ZNF618: variants seen among roughly 807,000 people sequenced by gnomAD.
The protein encoded by ZNF618 is neural precursor cell expressed, developmentally down-regulated 10.
Under a neutral mutation model 103.0 loss-of-function variants are expected in ZNF618, and 34 were observed. That is an observed-to-expected ratio of 0.33 (90% CI 0.25 to 0.44). The LOEUF (loss-of-function observed/expected upper bound fraction) is 0.44. Ranked by LOEUF, ZNF618 falls within the 20% of genes least tolerant of loss-of-function variation. The pLI is 1.00. For synonymous variants in ZNF618, 551 were observed against 542.2 expected, an observed-to-expected ratio of 1.02 and a Z score of -0.23; for missense variants, 1,059 against 1,295.4, an observed-to-expected ratio of 0.82 and a Z score of 2.80.
chr9:113,904,526 T>C (rs1270906928), intron 1 of ZNF618, among the ~76,000 whole-genome samples: 1 of 152,260 alleles, frequency 6.6e-6, no homozygotes, highest in Admixed American at 6.5e-5. Context: ...ATTTTTGTGC[T>C]GTGTTTTGCT....
At chr9:114,039,119 A>T (rs1844892293) in intron 13 of ZNF618, among the ~76,000 whole-genome samples, 1 of 152,216 alleles carries the variant, frequency 6.6e-6, no homozygotes, top group Admixed American at 6.5e-5. Context: ...CCATGCTCTC[A>T]ACATCCACCC....
At position 114,050,873 on chromosome 9, in the gene ZNF618, T is replaced by A. The variant is rs1308944712; in HGVS notation, c.*706T>A. ...GTTCACCTTCAGGGCATTGAGCTGC[T>A]GCCTTTGAGATACCCCTTGGGTGTC... On this transcript the variant is annotated 3_prime_UTR_variant, in exon 15 of 15. Transcript: ENST00000374126. 6.5e-6 allele frequency: 1 copy of A among 152,740 alleles called. No homozygotes were observed. The highest frequency in any genetic ancestry group is 1.5e-5 in the Non-Finnish European group (1 of 68,102). The allele number at this position is 152,740 out of a possible 1,614,324, so 9.5% of individuals were successfully genotyped here.
chr9:113,880,448 A>T (rs1383094084), intron 1 of ZNF618, among the ~76,000 whole-genome samples: 1 of 152,178 alleles, frequency 6.6e-6, no homozygotes, highest in Non-Finnish European at 1.5e-5. Flanking sequence ...GGAATTGGTT[A>T]TGGCTGCCTG....
chr9:113,876,686 A>G (rs1371756349), intron 1 of ZNF618, among the ~76,000 whole-genome samples: 1 of 151,988 alleles, frequency 6.6e-6, no homozygotes, highest in Non-Finnish European at 1.5e-5. Context: ...CCCAGAAAAC[A>G]AAGCGGCGAG....
At chr9:113,901,126 T>C (rs989953452) in intron 1 of ZNF618, among the ~76,000 whole-genome samples, 1 of 149,130 alleles carries the variant, frequency 6.7e-6, no homozygotes, top group Non-Finnish European at 1.5e-5. Flanking sequence ...TCCTGTCTCC[T>C]AGCACCGTCT....
At chr9:113,987,525 C>A (rs1295499553) in intron 2 of ZNF618, among the ~76,000 whole-genome samples, 1 of 152,150 alleles carries the variant, frequency 6.6e-6, no homozygotes, top group African/African-American at 2.4e-5. Context: ...TTGGAGTTTC[C>A]CGTTTGTAAA....
At chr9:113,897,171 GT>G (rs1434024678) in intron 1 of ZNF618, among the ~76,000 whole-genome samples, 1 of 151,994 alleles carries the variant, frequency 6.6e-6, no homozygotes, top group Non-Finnish European at 1.5e-5. Flanking sequence ...TAACTGATGT[GT>G]TTTGTTTCAT....
intron 1 of ZNF618, among the ~76,000 whole-genome samples, chr9:113,883,989 C>CTT (rs1564125414): frequency 2.4e-5 from 1 of 41,074 alleles, no homozygotes; most frequent in African/African-American, 6.3e-5. Context: ...TTGGCCCCCC[C>CTT]CCCCCCCCCC....
rs1419674103 is a variant in ZNF618 at position 114,049,992 on chromosome 9, C to T, written c.2690C>T (p.Thr897Ile). Residue 897 changes from threonine to isoleucine, a missense_variant, in exon 15 of 15, where the codon ACC (threonine) becomes ATC (isoleucine). Thr to Ile is a moderately conservative substitution (Grantham distance 89). Around this residue, in one of 6 missense-constraint regions of ZNF618, gnomAD observed 156 missense variants for 197.1 expected, o/e 0.79. Transcript: ENST00000374126. ...PDLFQYWSCV[T>I]QKHTKLAKLA... ...CTCTTCCAGTACTGGTCGTGCGTTA[C>T]CCAAAAGCACACAAAACTCGCCAAG... The T allele has an allele frequency of 3.1e-6, 5 of 1,613,986 alleles. No individual in the cohort carries two copies. Among genetic ancestry groups the T allele is most frequent in the Non-Finnish European group, 4.2e-6 (5 of 1,179,906 alleles).
At chr9:114,039,633 G>A (rs1414378993) in intron 13 of ZNF618, among the ~76,000 whole-genome samples, 1 of 152,054 alleles carries the variant, frequency 6.6e-6, no homozygotes, top group Non-Finnish European at 1.5e-5. Context: ...TTACAGGCGT[G>A]AGCCACCATG....
chr9:114,018,658 C>T (rs1842831698), intron 10 of ZNF618, among the ~76,000 whole-genome samples: 1 of 152,212 alleles, frequency 6.6e-6, no homozygotes, highest in South Asian at 2.1e-4. Context: ...TGTGTCTCTT[C>T]CACCCTAAGT....
intron 3 of ZNF618, among the ~76,000 whole-genome samples, chr9:113,998,031 CA>C (rs1840795415): frequency 6.6e-6 from 1 of 152,240 alleles, no homozygotes; most frequent in Non-Finnish European, 1.5e-5. Context: ...AGAGAAAACA[CA>C]AAACTGAATT....
At chr9:113,945,995 T>C (rs10817539) in intron 1 of ZNF618, among the ~76,000 whole-genome samples, 71,472 of 152,050 alleles carry the variant, frequency 0.47, 17,322 homozygotes, top group Non-Finnish European at 0.53. Context: ...TTTGCTGAAA[T>C]GCTGGAGGCA....
intron 10 of ZNF618, among the ~76,000 whole-genome samples, chr9:114,017,511 C>G (rs1384260857): frequency 1.3e-5 from 2 of 152,178 alleles, no homozygotes; most frequent in Non-Finnish European, 2.9e-5. Context: ...CCTCAGATCC[C>G]CGAGTATATG....
chr9:113,890,377 G>A (rs1485194722), intron 1 of ZNF618, among the ~76,000 whole-genome samples: 2 of 152,138 alleles, frequency 1.3e-5, no homozygotes, highest in Non-Finnish European at 2.9e-5. Flanking sequence ...TATATTCCAT[G>A]CTGTTCTGAG....
intron 1 of ZNF618, among the ~76,000 whole-genome samples, chr9:113,882,303 A>C (rs1828602649): frequency 1.3e-5 from 2 of 152,326 alleles, no homozygotes; most frequent in Non-Finnish European, 2.9e-5. Flanking sequence ...TGACTTCGGG[A>C]AAGTCACTCT....
chr9:114,041,542 C>T, intron 13 of ZNF618, among the ~76,000 whole-genome samples: 2 of 152,200 alleles, frequency 1.3e-5, no homozygotes, highest in Non-Finnish European at 2.9e-5. Flanking sequence ...CAGCTTTCTA[C>T]ATATGGCTAG....
At chr9:114,009,184 G>A (rs575558338) in intron 9 of ZNF618, among the ~76,000 whole-genome samples, 52 of 152,314 alleles carry the variant, frequency 3.4e-4, no homozygotes, top group Admixed American at 7.2e-4. Context: ...GGGCTTGGGG[G>A]TGGGGACAGC....
intron 1 of ZNF618, among the ~76,000 whole-genome samples, chr9:113,931,370 C>G (rs949171803): frequency 1.3e-5 from 2 of 152,084 alleles, no homozygotes; most frequent in Non-Finnish European, 2.9e-5. Flanking sequence ...AGGACAGGAG[C>G]CTTTGAGGCA....
Sources: gnomAD v4.1 joint callset for allele counts (sites outside exome capture counted in the v4.1 genomes callset) on GRCh38, gnomAD v4.1.1 for gene constraint, gnomAD v4.1.1 regional missense constraint, MANE v1.5 for transcripts, NCBI Gene and HGNC (gene_info 2026-07-23, HGNC 2026-07-21) for gene names.